Variants in PRR36 observed in about 807,000 individuals in gnomAD.
The protein encoded by PRR36 is proline rich 36, also known as proline-rich protein 36.
Under a neutral mutation model 58.6 loss-of-function variants are expected in PRR36, and 30 were observed. The ratio of observed to expected loss-of-function variants is 0.51; its 90% CI spans 0.38 to 0.69. The LOEUF (loss-of-function observed/expected upper bound fraction) is 0.69. PRR36 is among the 30% of genes least tolerant of loss of function. PRR36 has a pLI of 0.00. For synonymous variants in PRR36, 771 were observed against 829.3 expected (o/e 0.93, Z 1.21); for missense variants, 1,692 against 1,805.6 (o/e 0.94, Z 1.14).
In PRR36 at chr19:7,872,311, A is replaced by G; in HGVS notation, c.933T>C (p.Gly311=). The G allele has an allele frequency of 1.4e-6, 2 of 1,453,498 alleles. No individual in the cohort carries two copies. Among genetic ancestry groups the G allele is most frequent in the Non-Finnish European group, 1.8e-6 (2 of 1,109,466 alleles). 90.0% of individuals were successfully genotyped at this position (1,453,498 alleles called of 1,614,324 possible). A position where few individuals can be genotyped will look rare whatever the true frequency, so the allele number is the denominator to read the frequency against. ...GAGGCGGTACGGGTCTTGCCTTGGT[A>G]CCCGATGGAGAGGGTGTGGCCAAAG... ...SSPLATPSPS[G]TKARPVPPPD... The change falls in exon 5 of 6, where the codon GGT becomes GGC. Residue 311 remains glycine (G), a synonymous_variant. Transcript: ENST00000618550. The surrounding 1 kb of genome is among the most constrained non-coding windows in gnomAD (Gnocchi z 6.1).
chr19:7,872,680 C>A lies in PRR36; in HGVS notation c.564G>T (p.Gly188=). The A allele has an allele frequency of 6.9e-7, 1 of 1,451,918 alleles. No homozygotes were observed. 89.9% of individuals were successfully genotyped at this position (1,451,918 alleles called of 1,614,324 possible). The stretch of plus-strand genomic sequence containing the variant: ...GGGCACTCGGAGCTGGCCGGGGGAG[C>A]CCCACCTCGGTGCCCGCAGCCCGGG... ...RRSRAAGTEV[G]LPRPAPSARP... Residue 188 remains glycine, a synonymous_variant, in exon 5 of 6, where the codon GGG becomes GGT. Coordinates refer to ENST00000618550, the MANE Select transcript of PRR36 (RefSeq NM_001190467.2). This position sits in a 1 kb window ranked among gnomAD's most constrained non-coding sequence, Gnocchi z 6.1.
Position 7,872,374 on chromosome 19 carries a change from C to T in PRR36, c.870G>A (p.Lys290=). ...LRPPQVTPPR[K]DAAPALGPLS... is the part of the protein sequence containing the mutation. ...GCGGTCCTAGTGCTGGGGCTGCGTCCTTCCTTGGGGGTGTGACCTGAGGGG... is the reference window on the plus strand; with the variant it reads ...GCGGTCCTAGTGCTGGGGCTGCGTCTTTCCTTGGGGGTGTGACCTGAGGGG... Residue 290 remains lysine, a synonymous_variant, in exon 5 of 6, where the codon AAG becomes AAA. Coordinates refer to ENST00000618550, the MANE Select transcript of PRR36 (RefSeq NM_001190467.2). The surrounding 1 kb of genome is among the most constrained non-coding windows in gnomAD (Gnocchi z 6.1). 6.9e-7 allele frequency: 1 copy of T among 1,449,436 alleles called. No homozygotes were observed. Among genetic ancestry groups the T allele is most frequent in the Non-Finnish European group, 9.0e-7 (1 of 1,107,110 alleles). The allele number at this position is 1,449,436 out of a possible 1,614,324, so 89.8% of individuals were successfully genotyped here.
chr19:7,873,291 G>T lies in PRR36; in HGVS notation c.280C>A (p.Pro94Thr), dbSNP rs1980550572. 6.5e-7 allele frequency: 1 copy of T among 1,534,640 alleles called. No homozygotes were observed. The highest frequency in any genetic ancestry group is 8.7e-7 in the Non-Finnish European group (1 of 1,146,154). Residue 94 changes from proline (P) to threonine (T), a missense_variant, in exon 3 of 6, where the codon CCC becomes ACC. Physicochemically the swap from Pro to Thr is conservative, Grantham distance 38. Coordinates refer to ENST00000618550, the MANE Select transcript of PRR36 (RefSeq NM_001190467.2). This position sits in a 1 kb window ranked among gnomAD's most constrained non-coding sequence, Gnocchi z 5.0. ...GTSSRNPASRPPASGRGERAP... is the reference protein window; with the variant it reads ...GTSSRNPASRTPASGRGERAP... ...CTCTCCCCTCTCCCAGAGGCTGGGG[G>T]CCTGGAGGCTGCGGGGAGAAGGCCG...
chr19:7,869,446 G>A lies in PRR36; in HGVS notation c.3628C>T (p.Pro1210Ser), dbSNP rs1980269385. The change falls in exon 6 of 6, where the codon CCT becomes TCT. Residue 1210 changes from proline to serine, a missense_variant. By Grantham distance (74) the Pro-to-Ser change is moderately conservative (BLOSUM62 -1). Coordinates refer to ENST00000618550, the MANE Select transcript of PRR36 (RefSeq NM_001190467.2). ...TEGPESATPAPGALDPGPSPG... is the reference protein window; with the variant it reads ...TEGPESATPASGALDPGPSPG... ...CTGGGCCCCGGATCCAGTGCGCCAG[G>A]GGCGGGGGTCGCCGACTCGGGCCCT... 1 of 1,503,112 alleles carries A rather than the reference G, an allele frequency of 6.7e-7. No individual in the cohort carries two copies. The highest frequency in any genetic ancestry group is 8.8e-7 in the Non-Finnish European group (1 of 1,133,108). 93.1% of individuals were successfully genotyped at this position (1,503,112 alleles called of 1,614,324 possible).
In PRR36 at chr19:7,872,789, A is replaced by T; in HGVS notation, c.488-33T>A. On this transcript the variant is annotated intron_variant, in intron 4 of 5. Coordinates refer to ENST00000618550, the MANE Select transcript of PRR36 (RefSeq NM_001190467.2). This position sits in a 1 kb window ranked among gnomAD's most constrained non-coding sequence, Gnocchi z 6.1. The stretch of plus-strand genomic sequence containing the variant: ...AAAAGTAGAAGGCCAAGGGTCACCG[A>T]TACCTCTGAGGCGGCTCCCCTTGCT... 1 of 1,516,966 alleles carries T rather than the reference A, an allele frequency of 6.6e-7. No individual in the cohort carries two copies. Among genetic ancestry groups the T allele is most frequent in the Non-Finnish European group, 8.8e-7 (1 of 1,137,496 alleles). The allele number at this position is 1,516,966 out of a possible 1,614,324, so 94.0% of individuals were successfully genotyped here.
Position 7,870,894 on chromosome 19 carries a change from G to A in PRR36, c.2350C>T (p.Pro784Ser), listed in dbSNP as rs1199285758. The change falls in exon 5 of 6, where the codon CCT (proline) becomes TCT (serine). Residue 784 changes from proline (P) to serine (S), a missense_variant. Around this residue, in one of 5 missense-constraint regions of PRR36, gnomAD observed 38 missense variants for 100.7 expected, o/e 0.38. Coordinates refer to ENST00000618550, the MANE Select transcript of PRR36 (RefSeq NM_001190467.2). Reference sequence around the variant, plus strand: ...TGCAGAGGGCATGGGGCTGGACAAGGTGGAGTCTCCAGATGGGGTGTGGTC... The same window carrying A: ...TGCAGAGGGCATGGGGCTGGACAAGATGGAGTCTCCAGATGGGGTGTGGTC... ...PLTTPHLETP[P>S]CPAPCPLQAP... The A allele has an allele frequency of 1.1e-5, 16 of 1,448,994 alleles. No homozygotes were observed. Among genetic ancestry groups the A allele is most frequent in the Non-Finnish European group, 1.4e-5 (16 of 1,107,438 alleles). 89.8% of individuals were successfully genotyped at this position (1,448,994 alleles called of 1,614,324 possible). A position where few individuals can be genotyped will look rare whatever the true frequency, so the allele number is the denominator to read the frequency against.
At position 7,868,875 on chromosome 19, in the gene PRR36, G is replaced by A; in HGVS notation, c.*158C>T. On this transcript the variant is annotated 3_prime_UTR_variant, in exon 6 of 6. Transcript: ENST00000618550. ...TAGGTCAAAGCTGTGGGTAGGTCCC[G>A]AGCCTCCGAGGCCAAAGGCTCAGGC... The A allele has an allele frequency of 4.6e-6, 4 of 865,338 alleles. No homozygotes were observed. In the East Asian group the frequency reaches 9.3e-5, roughly 20 times the overall value. The allele number at this position is 865,338 out of a possible 1,614,324, so 53.6% of individuals were successfully genotyped here. A position where few individuals can be genotyped will look rare whatever the true frequency, so the allele number is the denominator to read the frequency against.
At position 7,871,710 on chromosome 19, in the gene PRR36, G is replaced by C. The variant is rs1176284846; in HGVS notation, c.1534C>G (p.Pro512Ala). ...AGAGGAAGAGTGGCCAGAGTGTGGGGCGTGGCCTGGAGAGAGGGCGGAGAC... is the reference window on the plus strand; with the variant it reads ...AGAGGAAGAGTGGCCAGAGTGTGGGCCGTGGCCTGGAGAGAGGGCGGAGAC... ...SPSPPSLQATPHTLATLPLQD... is the reference protein window; with the variant it reads ...SPSPPSLQATAHTLATLPLQD... Residue 512 changes from proline (P) to alanine (A), a missense_variant, in exon 5 of 6, where the codon CCC becomes GCC. Coordinates refer to ENST00000618550, the MANE Select transcript of PRR36 (RefSeq NM_001190467.2). 1 of 1,536,058 alleles carries C rather than the reference G, an allele frequency of 6.5e-7. No homozygotes were observed. The highest frequency in any genetic ancestry group is 2.0e-5 in the Admixed American group (1 of 50,994).
In PRR36 at chr19:7,873,219, C is replaced by T. The variant is rs761979256; in HGVS notation, c.352G>A (p.Gly118Arg). ...NTSPGPVSSP[G>R]RASGTTRPGP... Reference sequence around the variant, plus strand: ...TACCTGGTGGTCCCGCTGGCACGCCCTGGGCTAGAAACAGGGCCTGGGCTG... The same window carrying T: ...TACCTGGTGGTCCCGCTGGCACGCCTTGGGCTAGAAACAGGGCCTGGGCTG... The change falls in exon 3 of 6, where the codon GGG becomes AGG. Residue 118 changes from glycine to arginine, a missense_variant. Transcript: ENST00000618550. This position sits in a 1 kb window ranked among gnomAD's most constrained non-coding sequence, Gnocchi z 5.0. 3.3e-6 allele frequency: 5 copies of T among 1,535,914 alleles called. No individual in the cohort carries two copies. In the African/African-American group the frequency reaches 6.8e-5, roughly 21 times the overall value.
chr19:7,870,574 AG>A lies in PRR36; in HGVS notation c.2669del (p.Pro890LeufsTer32). 1 of 603,068 alleles carries A rather than the reference AG, an allele frequency of 1.7e-6. No individual in the cohort carries two copies. Among genetic ancestry groups the A allele is most frequent in the Non-Finnish European group, 1.9e-6 (1 of 517,926 alleles). The allele number at this position is 603,068 out of a possible 1,614,324, so 37.4% of individuals were successfully genotyped here. On this transcript the variant is annotated frameshift_variant, in exon 5 of 6. Coordinates refer to ENST00000618550, the MANE Select transcript of PRR36 (RefSeq NM_001190467.2). LOFTEE classifies it high-confidence loss of function. ...AAGGGGCCTGCACTGGGGGTGAGGG[AG>A]GGGGAGAGAAAGGGGCCTGCAGAAG... is the stretch of plus-strand genomic sequence containing the variant. ...VHLLQAPFSPPPSPPVQAPFS... is the reference protein window; with the variant it reads ...VHLLQAPFSPXPSPPVQAPFS...
intron 5 of PRR36, 64 bp from the exon 6 acceptor site, chr19:7,869,608 G>T: frequency 6.7e-7 from 1 of 1,483,736 alleles, no homozygotes; most frequent in East Asian, 2.8e-5. Context: ...TCAAGGTCCC[G>T]CCTCCTTGTC....
In PRR36 at chr19:7,873,334, A is replaced by C. The variant is rs1980552968; in HGVS notation, c.272-35T>G. 1.3e-6 allele frequency: 2 copies of C among 1,521,362 alleles called. No homozygotes were observed. The highest frequency in any genetic ancestry group is 2.5e-5 in the East Asian group (1 of 40,626). 94.2% of individuals were successfully genotyped at this position (1,521,362 alleles called of 1,614,324 possible). On this transcript the variant is annotated intron_variant, in intron 2 of 5. Coordinates refer to ENST00000618550, the MANE Select transcript of PRR36 (RefSeq NM_001190467.2). The surrounding 1 kb of genome is among the most constrained non-coding windows in gnomAD (Gnocchi z 5.0). ...GAAGGCCGAGTCACAGGTGCCCCGG[A>C]GAGGTGGCAGTGGAGGTGAGACTGG... is the stretch of plus-strand genomic sequence containing the variant.
In PRR36 at chr19:7,869,793, C is replaced by CG; in HGVS notation, c.3450dup (p.Asp1151ArgfsTer42). 3 of 1,355,478 alleles carry CG rather than the reference C, an allele frequency of 2.2e-6. No homozygotes were observed. The highest frequency in any genetic ancestry group is 2.8e-6 in the Non-Finnish European group (3 of 1,060,470). 84.0% of individuals were successfully genotyped at this position (1,355,478 alleles called of 1,614,324 possible). ...GGGTGGCAAGCGGCGAGCTCTGCGT[C>CG]GGGGGGCGGGGAGGCTGCGGCACCG... is the stretch of plus-strand genomic sequence containing the variant. On this transcript the variant is annotated frameshift_variant, in exon 5 of 6. Coordinates refer to ENST00000618550, the MANE Select transcript of PRR36 (RefSeq NM_001190467.2). LOFTEE classifies it high-confidence loss of function.
In PRR36 at chr19:7,868,824, AAGGGGCGGAGC is replaced by A. The variant is rs1980222357; in HGVS notation, c.*198_*208del. 1.9e-6 allele frequency: 1 copy of A among 537,174 alleles called. No homozygotes were observed. Among genetic ancestry groups the A allele is most frequent in the Non-Finnish European group, 3.2e-6 (1 of 316,514 alleles). The allele number at this position is 537,174 out of a possible 1,614,324, so 33.3% of individuals were successfully genotyped here. On this transcript the variant is annotated 3_prime_UTR_variant, in exon 6 of 6. Transcript: ENST00000618550. ...GGGAAACGGGGCGTGTCCTAGGCCA[AAGGGGCGGAGC>A]TCGAGGGGCGGGCCTAGGTCAAAGC... is the stretch of plus-strand genomic sequence containing the variant.
chr19:7,869,305 C>T lies in PRR36; in HGVS notation c.3769G>A (p.Val1257Met). The change falls in exon 6 of 6, where the codon GTG (valine) becomes ATG (methionine). Residue 1257 changes from valine to methionine, a missense_variant. Physicochemically the swap from Val to Met is conservative, Grantham distance 21. Around this residue, in one of 5 missense-constraint regions of PRR36, gnomAD observed 485 missense variants for 549.2 expected, o/e 0.88. Transcript: ENST00000618550. ...LPLGALQASV[V>M]QHLLSRTLLL... ...AGCGTCCGGCTCAGCAGGTGCTGCA[C>T]GACGCTCGCCTGCAGCGCCCCCAGT... 1.4e-6 allele frequency: 2 copies of T among 1,431,646 alleles called. No individual in the cohort carries two copies. The highest frequency in any genetic ancestry group is 2.9e-5 in the East Asian group (1 of 33,924). 88.7% of individuals were successfully genotyped at this position (1,431,646 alleles called of 1,614,324 possible).
chr19:7,869,612 C>CGCA, intron 5 of PRR36, 68 bp from the exon 6 acceptor site: 1 of 1,481,160 alleles, frequency 6.8e-7, no homozygotes, highest in Non-Finnish European at 8.9e-7. Context: ...GGTCCCGCCT[C>CGCA]CTTGTCTAAG....
At position 7,873,678 on chromosome 19, in the gene PRR36, C is replaced by T. The variant is rs1278790453; in HGVS notation, c.12G>A (p.Lys4=). The T allele has an allele frequency of 6.5e-7, 1 of 1,535,050 alleles. No homozygotes were observed. The highest frequency in any genetic ancestry group is 8.7e-7 in the Non-Finnish European group (1 of 1,146,690). MDN[K]RDKAKAGAAA... ...CGGCCCCTGCCTTCGCCTTGTCTCT[C>T]TTGTTGTCCATCTTGCACCTGAAGA... Residue 4 remains lysine (K), a synonymous_variant, in exon 2 of 6, where the codon AAG becomes AAA. Coordinates refer to ENST00000618550, the MANE Select transcript of PRR36 (RefSeq NM_001190467.2). The surrounding 1 kb of genome is among the most constrained non-coding windows in gnomAD (Gnocchi z 5.0).
chr19:7,871,228 G>GA lies in PRR36; in HGVS notation c.2015dup (p.Ser673LeufsTer333). 6.5e-7 allele frequency: 1 copy of GA among 1,532,158 alleles called. No homozygotes were observed. Among genetic ancestry groups the GA allele is most frequent in the Non-Finnish European group, 8.7e-7 (1 of 1,145,704 alleles). The allele number at this position is 1,532,158 out of a possible 1,614,324, so 94.9% of individuals were successfully genotyped here. On this transcript the variant is annotated frameshift_variant, in exon 5 of 6. Transcript: ENST00000618550. LOFTEE classifies it high-confidence loss of function. ...AGCTTAGGGGTGAGACAGCAGGAGAGAGAGAAGTCTGCAGAGGGGGTGAGG... is the reference window on the plus strand; with the variant it reads ...AGCTTAGGGGTGAGACAGCAGGAGAGAAGAGAAGTCTGCAGAGGGGGTGAGG...
chr19:7,869,822 T>C lies in PRR36; in HGVS notation c.3422A>G (p.Glu1141Gly). The C allele has an allele frequency of 4.4e-6, 6 of 1,351,048 alleles. No homozygotes were observed. The highest frequency in any genetic ancestry group is 5.7e-6 in the Non-Finnish European group (6 of 1,058,474). The allele number at this position is 1,351,048 out of a possible 1,614,324, so 83.7% of individuals were successfully genotyped here. Residue 1141 changes from glutamate (E) to glycine (G), a missense_variant, in exon 5 of 6, where the codon GAG (glutamate) becomes GGG (glycine). Coordinates refer to ENST00000618550, the MANE Select transcript of PRR36 (RefSeq NM_001190467.2). ...EELRGYDSGP[E>G]GGAAASPPPD... The stretch of plus-strand genomic sequence containing the variant: ...GGGCGGGGAGGCTGCGGCACCGCCC[T>C]CGGGCCCGCTGTCGTAGCCACGCAG...
Sources: gnomAD v4.1 joint callset for allele counts on GRCh38, gnomAD v4.1.1 for gene constraint, gnomAD v4.1.1 regional missense constraint, Gnocchi (gnomAD v3.1) non-coding constraint, MANE v1.5 for transcripts, NCBI Gene and HGNC (gene_info 2026-07-23, HGNC 2026-07-21) for gene names.